The following DNAH5 variants were observed in gnomAD, a reference collection of about 807,000 sequenced individuals.
DNAH5 encodes the protein dynein axonemal heavy chain 5.
In DNAH5, 372 loss-of-function variants were observed where a neutral mutation model predicts 518.2. That is an observed-to-expected ratio of 0.72 (90% CI 0.66 to 0.78). The LOEUF (loss-of-function observed/expected upper bound fraction) is 0.78. Among genes scored for constraint, DNAH5 ranks in the 30% least tolerant of loss-of-function variants. The pLI, the probability that DNAH5 is intolerant of heterozygous loss-of-function variation, is 0.00. For missense variants in DNAH5, 5,523 were observed against 5,687.0 expected (o/e 0.97, Z 0.93); for synonymous variants, 2,039 against 2,025.9 (o/e 1.01, Z -0.17).
intron 1 of DNAH5, among the ~76,000 whole-genome samples, chr5:13,967,515 A>G (rs339415): frequency 0.056 from 8,536 of 152,208 alleles, 800 homozygotes; most frequent in African/African-American, 0.19. Context: ...TGGGTTCTCT[A>G]TTCTGTTCCA....
In DNAH5 at chr5:13,754,234, T is replaced by G; in HGVS notation, c.10524A>C (p.Gln3508His). The G allele has an allele frequency of 1.2e-6, 2 of 1,614,126 alleles. No individual in the cohort carries two copies. The highest frequency in any genetic ancestry group is 1.7e-6 in the Non-Finnish European group (2 of 1,179,980). The change falls in exon 62 of 79, where the codon CAA becomes CAC. Residue 3508 changes from glutamine (Q) to histidine (H), a missense_variant. This residue lies in a region of DNAH5 where 5,121 missense variants were observed against 5,223.3 expected (regional missense o/e 0.98). Transcript: ENST00000265104. ...GTCTTTTAGTTTGTGCAGCAAACTC[T>G]TGGCTTTGCTCTGTCCATCTTTCTT... ...GEKERWTEQSQEFAAQTKRLV... is the reference protein window; with the variant it reads ...GEKERWTEQSHEFAAQTKRLV...
At chr5:13,993,599 C>G (rs533226788) in intron 1 of DNAH5, among the ~76,000 whole-genome samples, 9 of 152,146 alleles carry the variant, frequency 5.9e-5, no homozygotes, top group African/African-American at 2.2e-4. Context: ...TAGACATAAT[C>G]GTAAGTATTT....
intron 47 of DNAH5, among the ~76,000 whole-genome samples, chr5:13,801,881 T>C (rs527664420): frequency 6.6e-6 from 1 of 152,306 alleles, no homozygotes; most frequent in African/African-American, 2.4e-5. Context: ...TGAAGTGATG[T>C]TCACCTTATA....
chr5:13,811,543 T>C (rs907673346), intron 44 of DNAH5, 104 bp downstream of exon 44: 2 of 1,137,758 alleles, frequency 1.8e-6, no homozygotes, highest in African/African-American at 3.1e-5. Flanking sequence ...TATAGTACTC[T>C]CTGTATAGCA....
At chr5:13,853,323 A>G (rs1366569577) in intron 30 of DNAH5, among the ~76,000 whole-genome samples, 1 of 152,208 alleles carries the variant, frequency 6.6e-6, no homozygotes, top group Non-Finnish European at 1.5e-5. Flanking sequence ...CAATAGCATC[A>G]CCATCAACTA....
At chr5:13,893,575 G>A (rs1486654101) in intron 16 of DNAH5, among the ~76,000 whole-genome samples, 4 of 151,732 alleles carry the variant, frequency 2.6e-5, no homozygotes, top group African/African-American at 9.7e-5. Flanking sequence ...CTTCTTCACA[G>A]AATCCATAAA....
rs561387877 is a variant in DNAH5 at position 13,782,782 on chromosome 5, T to A, written c.8821-1823A>T. Among the ~76,000 whole-genome samples, 6 of 152,172 alleles carry A rather than the reference T, an allele frequency of 3.9e-5. No homozygotes were observed. In the East Asian group the frequency reaches 1.2e-3, roughly 29 times the overall value. ...AAAACATATCTGACAAAGGAACAGA[T>A]ACATGAACAGAGAAGGCTTGCAAAG... On this transcript the variant is annotated intron_variant, in intron 52 of 78. Coordinates refer to ENST00000265104, the MANE Select transcript of DNAH5 (RefSeq NM_001369.3).
At position 13,920,516 on chromosome 5, in the gene DNAH5, C is replaced by T. The variant is rs775558528; in HGVS notation, c.762G>A (p.Glu254=). ...ANNPETLGKI[E]DCMKVWIKQT... ...GTTTGATCCATACTTTCATGCAATC[C>T]TCTATTTTTCCCAAAGTCTCAGGGT... The change falls in exon 6 of 79, where the codon GAG becomes GAA. Residue 254 remains glutamate (E), a synonymous_variant. Coordinates refer to ENST00000265104, the MANE Select transcript of DNAH5 (RefSeq NM_001369.3). The T allele has an allele frequency of 1.9e-6, 3 of 1,614,042 alleles. No homozygotes were observed. The highest frequency in any genetic ancestry group is 2.5e-6 in the Non-Finnish European group (3 of 1,180,014).
At chr5:13,964,531 C>G (rs150271942) in intron 1 of DNAH5, among the ~76,000 whole-genome samples, 1 of 152,232 alleles carries the variant, frequency 6.6e-6, no homozygotes. Context: ...CACTGGAGGA[C>G]GTGGACTCCA....
chr5:13,900,469 T>A, intron 14 of DNAH5, 57 bp from the exon 15 acceptor site: 1 of 1,352,712 alleles, frequency 7.4e-7, no homozygotes, highest in Non-Finnish European at 1.1e-6. Flanking sequence ...GCAGAGTATC[T>A]AGCTCAGCTA....
Position 13,823,372 on chromosome 5 carries a change from TA to T in DNAH5, c.6580-3del, listed in dbSNP as rs745608527. 3 of 1,598,472 alleles carry T rather than the reference TA, an allele frequency of 1.9e-6. No individual in the cohort carries two copies. The highest frequency in any genetic ancestry group is 1.7e-5 in the Admixed American group (1 of 59,980). On this transcript the variant is annotated splice_polypyrimidine_tract_variant and splice_region_variant and intron_variant, in intron 39 of 78. Transcript: ENST00000265104. Reference sequence around the variant, plus strand: ...AAACAAGGGTTCATCCTCATCAATCTAAAAAAAGAAAATGGGAAATCAGACC... The same window carrying T: ...AAACAAGGGTTCATCCTCATCAATCTAAAAAAGAAAATGGGAAATCAGACC...
intron 1 of DNAH5, among the ~76,000 whole-genome samples, chr5:13,968,866 T>C (rs933608465): frequency 5.3e-5 from 8 of 152,226 alleles, no homozygotes; most frequent in Admixed American, 4.6e-4. Flanking sequence ...TCTCCATCTT[T>C]TGAAATAGTG....
intron 34 of DNAH5, 51 bp downstream of exon 34, chr5:13,840,855 T>TGCAGATAGTGTAGAATGCAGATA: frequency 7.1e-7 from 1 of 1,410,150 alleles, no homozygotes; most frequent in Non-Finnish European, 1.0e-6. Context: ...ATGCAGATAG[T>TGCAGATAGTGTAGAATGCAGATA]GTCTAGAATT....
intron 1 of DNAH5, among the ~76,000 whole-genome samples, chr5:14,007,194 T>C (rs1284365470): frequency 6.6e-6 from 1 of 152,272 alleles, no homozygotes; most frequent in Non-Finnish European, 1.5e-5. Flanking sequence ...CACCGTTCTC[T>C]GAGCTAGGCC....
chr5:14,001,601 G>A (rs1399500621), intron 1 of DNAH5, among the ~76,000 whole-genome samples: 4 of 151,662 alleles, frequency 2.6e-5, no homozygotes, highest in Non-Finnish European at 4.4e-5. Context: ...CTGACCTCAT[G>A]ATCTGCCCGC....
intron 40 of DNAH5, among the ~76,000 whole-genome samples, chr5:13,821,578 C>T (rs1405420643): frequency 1.3e-5 from 2 of 152,114 alleles, no homozygotes; most frequent in Non-Finnish European, 1.5e-5. Flanking sequence ...CTATGGAATG[C>T]AGATTTAAGA....
intron 75 of DNAH5, among the ~76,000 whole-genome samples, chr5:13,713,557 T>G (rs183937020): frequency 6.7e-6 from 1 of 149,332 alleles, no homozygotes; most frequent in Non-Finnish European, 1.5e-5. Flanking sequence ...CTGGATGAGA[T>G]TGAAGACTAT....
chr5:13,991,577 AGAG>A (rs35990762), intron 1 of DNAH5, among the ~76,000 whole-genome samples: 2,528 of 134,922 alleles, frequency 0.019, 84 homozygotes, highest in African/African-American at 0.071. Flanking sequence ...AAGAGGAGAA[AGAG>A]GAGGAGGAGG....
At chr5:13,965,000 C>T (rs1178752513) in intron 1 of DNAH5, among the ~76,000 whole-genome samples, 1 of 152,154 alleles carries the variant, frequency 6.6e-6, no homozygotes, top group Non-Finnish European at 1.5e-5. Flanking sequence ...CCACCTCGTC[C>T]ACTGGGGAAG....
Sources: allele counts gnomAD v4.1 joint callset (sites outside exome capture counted in the v4.1 genomes callset), GRCh38; gene constraint gnomAD v4.1.1; regional missense constraint gnomAD v4.1.1; transcripts MANE v1.5; gene names NCBI Gene and HGNC (gene_info 2026-07-23, HGNC 2026-07-21).